Variants in AASS observed in about 807,000 individuals in gnomAD.
The protein encoded by AASS is alpha-aminoadipic semialdehyde synthase, mitochondrial.
In AASS, 86 loss-of-function variants were observed where a neutral mutation model predicts 105.4. The ratio of observed to expected loss-of-function variants is 0.82; its 90% confidence interval spans 0.69 to 0.98. AASS has a LOEUF of 0.98. AASS is among the 50% of genes least tolerant of loss of function. The probability of loss-of-function intolerance (pLI) is 0.00; values close to 1 mark genes in which losing one functional copy is unlikely to be tolerated. For missense variants in AASS, 1,048 were observed against 1,143.2 expected, an observed-to-expected ratio of 0.92 and a Z score of 1.20; for synonymous variants, 381 against 394.8, an observed-to-expected ratio of 0.96 and a Z score of 0.41.
chr7:122,079,261 G>A, intron 21 of AASS: 1 of 1,354,594 alleles, frequency 7.4e-7, no homozygotes, highest in Non-Finnish European at 9.5e-7. Context: ...AGGTATACCA[G>A]CAGGATGCCA....
chr7:122,104,439 T>C (rs1019254344), intron 11 of AASS, among the ~76,000 whole-genome samples: 2 of 151,934 alleles, frequency 1.3e-5, no homozygotes, highest in East Asian at 1.9e-4. Flanking sequence ...CTACTAAAAA[T>C]ACAAACATTA....
At chr7:122,127,842 CACA>C (rs1795726374) in intron 3 of AASS, among the ~76,000 whole-genome samples, 1 of 152,112 alleles carries the variant, frequency 6.6e-6, no homozygotes, top group Non-Finnish European at 1.5e-5. Flanking sequence ...CCTGGTCTCT[CACA>C]ACTACAAAAT....
intron 3 of AASS, among the ~76,000 whole-genome samples, chr7:122,128,262 TCTC>T (rs897280898): frequency 2.0e-5 from 3 of 152,176 alleles, no homozygotes; most frequent in African/African-American, 7.2e-5. Flanking sequence ...GTAATGTTGC[TCTC>T]CTCCTCCCAC....
rs1295197743 is a variant in AASS, at chr7:122,113,174, G to A, written c.1222C>T (p.Pro408Ser). The change falls in exon 11 of 24, where the codon CCA becomes TCA. Residue 408 changes from proline to serine, a missense_variant. Coordinates refer to ENST00000417368, the MANE Select transcript of AASS (RefSeq NM_005763.4). ...CCAAAGCATTCTGTAGCTTCAATTG[G>A]GAGCTGTGCCGGCAAATTGTCAATG... ...CSIDNLPAQL[P>S]IEATECFGDM... 1 of 1,613,978 alleles carries A rather than the reference G, an allele frequency of 6.2e-7. No individual in the cohort carries two copies. Among genetic ancestry groups the A allele is most frequent in the South Asian group, 1.1e-5 (1 of 91,080 alleles).
intron 13 of AASS, among the ~76,000 whole-genome samples, chr7:122,100,377 C>T (rs1794370622): frequency 6.6e-6 from 1 of 151,840 alleles, no homozygotes; most frequent in East Asian, 1.9e-4. Flanking sequence ...AAGAAACTCT[C>T]CTACAGGGTT....
chr7:122,130,964 T>C (rs1297589587), intron 2 of AASS, among the ~76,000 whole-genome samples: 2 of 149,652 alleles, frequency 1.3e-5, no homozygotes, highest in African/African-American at 4.9e-5. Flanking sequence ...GTGTATATAG[T>C]AGACAGCCTT....
chr7:122,078,077 T>C, intron 22 of AASS, 63 bp from the exon 23 acceptor site: 1 of 1,482,640 alleles, frequency 6.7e-7, no homozygotes, highest in Non-Finnish European at 9.4e-7. Flanking sequence ...TTGTCTGTCA[T>C]CTCCTCCTGC....
chr7:122,102,797 C>G (rs1374423068), intron 11 of AASS, among the ~76,000 whole-genome samples: 1 of 151,714 alleles, frequency 6.6e-6, no homozygotes, highest in Non-Finnish European at 1.5e-5. Context: ...ACACAACATC[C>G]AGAGCCTCGA....
chr7:122,077,792 G>C, intron 23 of AASS, 46 bp downstream of exon 23: 2 of 1,608,536 alleles, frequency 1.2e-6, no homozygotes, highest in Non-Finnish European at 1.7e-6. Flanking sequence ...CAAATGGCTT[G>C]GAGGTGAAAC....
In AASS at chr7:122,078,715, T is replaced by C. The variant is rs1584803513; in HGVS notation, c.2485+147A>G. 58 of 738,560 alleles carry C rather than the reference T, an allele frequency of 7.9e-5. No homozygotes were observed. In the East Asian group the frequency reaches 1.3e-3, roughly 17 times the overall value. The allele number at this position is 738,560 out of a possible 1,614,324, so 45.8% of individuals were successfully genotyped here. A position where few individuals can be genotyped will look rare whatever the true frequency, so the allele number is the denominator to read the frequency against. On this transcript the variant is annotated intron_variant, in intron 22 of 23. Transcript: ENST00000417368. ...ACCTAATAATTCTCAAATTCCTCCC[T>C]CTGGAAAAATAGTCCAATTGCCCTT...
Position 122,101,632 on chromosome 7 carries a change from C to CAGGAGAAAAATTCTGACTTTCAAG in AASS, c.1303_1326dup (p.Leu435_Pro442dup), listed in dbSNP as rs1312694071. On this transcript the variant is annotated inframe_insertion, in exon 12 of 24. Transcript: ENST00000417368. ...TGCTCATAACTTACATCTCTCACCA[C>CAGGAGAAAAATTCTGACTTTCAAG]AGGAGAAAAATTCTGACTTTCAAGA... 5 of 1,611,014 alleles carry CAGGAGAAAAATTCTGACTTTCAAG rather than the reference C, an allele frequency of 3.1e-6. No homozygotes were observed. Among genetic ancestry groups the CAGGAGAAAAATTCTGACTTTCAAG allele is most frequent in the Middle Eastern group, 1.6e-4 (1 of 6,072 alleles).
At chr7:122,099,532 C>T (rs190008797) in intron 13 of AASS, among the ~76,000 whole-genome samples, 10 of 151,986 alleles carry the variant, frequency 6.6e-5, no homozygotes, top group Admixed American at 6.6e-4. Context: ...TTCCCACAAA[C>T]TATGACCTCC....
At chr7:122,086,953 A>C (rs1793659635) in intron 18 of AASS, among the ~76,000 whole-genome samples, 1 of 152,204 alleles carries the variant, frequency 6.6e-6, no homozygotes, top group African/African-American at 2.4e-5. Flanking sequence ...TTTTAATTAA[A>C]AGACTAAATT....
Position 122,098,841 on chromosome 7 carries a change from C to A in AASS, c.1432G>T (p.Gly478Cys). The change falls in exon 14 of 24, where the codon GGC becomes TGC. Residue 478 changes from glycine (G) to cysteine (C), a missense_variant. Gly to Cys is a radical substitution (Grantham distance 159). Coordinates refer to ENST00000417368, the MANE Select transcript of AASS (RefSeq NM_005763.4). ...AGAACCAAAACCTTTCTCCTGGTGC[C>A]CATTGAAAGTGACTGAGCACGTTCC... Reference protein sequence around the residue: ...SRERAQSLSMGTRRKVLVLGS... With the variant: ...SRERAQSLSMCTRRKVLVLGS... 6.3e-7 allele frequency: 1 copy of A among 1,594,450 alleles called. No individual in the cohort carries two copies. Among genetic ancestry groups the A allele is most frequent in the South Asian group, 1.1e-5 (1 of 88,572 alleles).
chr7:122,091,989 C>T lies in AASS; in HGVS notation c.1876-146G>A. 4.8e-6 allele frequency: 3 copies of T among 624,148 alleles called. No individual in the cohort carries two copies. The South Asian group carries it at 5.9e-5, about 12-fold the overall frequency. The allele number at this position is 624,148 out of a possible 1,614,324, so 38.7% of individuals were successfully genotyped here. A position where few individuals can be genotyped will look rare whatever the true frequency, so the allele number is the denominator to read the frequency against. ...ACTAAGGCATTCAAAAATACATCTT[C>T]AAAGCATGTACCATTTGATTAAATA... On this transcript the variant is annotated intron_variant, in intron 17 of 23. Coordinates refer to ENST00000417368, the MANE Select transcript of AASS (RefSeq NM_005763.4).
intron 1 of AASS, among the ~76,000 whole-genome samples, chr7:122,134,741 G>A (rs1796068372): frequency 1.4e-5 from 2 of 143,626 alleles, no homozygotes; most frequent in African/African-American, 5.3e-5. Context: ...TCTAGAACTA[G>A]AAATACCATT....
At chr7:122,108,892 A>G (rs1794798041) in intron 11 of AASS, among the ~76,000 whole-genome samples, 1 of 152,114 alleles carries the variant, frequency 6.6e-6, no homozygotes, top group African/African-American at 2.4e-5. Flanking sequence ...AGATGACGAA[A>G]TCTTATATAT....
chr7:122,116,676 TA>T lies in AASS; in HGVS notation c.850del (p.Tyr284MetfsTer9). The part of the protein sequence containing the change: ...KTDAVYDPAE[Y>X]DKHPERYISR... ...TATGTAGCGCTCCGGATGTTTGTCA[TA>T]CTCTGCAGGATCATACACAGCATCT... On this transcript the variant is annotated frameshift_variant, in exon 8 of 24. Transcript: ENST00000417368. LOFTEE classifies it high-confidence loss of function. The T allele has an allele frequency of 6.2e-7, 1 of 1,614,168 alleles. No homozygotes were observed. The highest frequency in any genetic ancestry group is 8.5e-7 in the Non-Finnish European group (1 of 1,180,010).
intron 22 of AASS, among the ~76,000 whole-genome samples, chr7:122,078,629 AAC>A (rs1793153422): frequency 1.3e-5 from 2 of 152,118 alleles, no homozygotes; most frequent in Admixed American, 6.6e-5. Context: ...CTAACTAACT[AAC>A]TAAATAAATA....
Sources: allele counts gnomAD v4.1 joint callset (sites outside exome capture counted in the v4.1 genomes callset), GRCh38; gene constraint gnomAD v4.1.1; transcripts MANE v1.5; gene names NCBI Gene and HGNC (gene_info 2026-07-23, HGNC 2026-07-21).